DST: variants seen among roughly 807,000 people sequenced by gnomAD.
DST encodes dystonin, also known as bullous pemphigoid antigen.
A neutral mutation model predicts 875.2 loss-of-function variants in DST; 253 were observed. That is an observed-to-expected ratio of 0.29 (90% CI 0.26 to 0.32). DST has a LOEUF of 0.32. Among genes scored for constraint, DST ranks in the 10% least tolerant of loss-of-function variants. DST has a pLI of 1.00. For synonymous variants in DST, 3,124 were observed against 3,197.1 expected, an observed-to-expected ratio of 0.98 and a Z score of 0.77; for missense variants, 8,287 against 9,111.6, an observed-to-expected ratio of 0.91 and a Z score of 3.68.
chr6:56,617,548 C>G (rs2098639985), intron 36 of DST: 2 of 824,396 alleles, frequency 2.4e-6, no homozygotes, highest in African/African-American at 3.4e-5. Context: ...AATTTCAAAC[C>G]AAGGAGGGTT....
chr6:56,930,381 G>A (rs990934369), intron 2 of DST, among the ~76,000 whole-genome samples: 1 of 152,200 alleles, frequency 6.6e-6, no homozygotes, highest in Non-Finnish European at 1.5e-5. Flanking sequence ...AGCCTGTCTT[G>A]TGTGTAAAAT....
intron 4 of DST, among the ~76,000 whole-genome samples, chr6:56,784,525 G>A (rs35986172): frequency 0.17 from 25,772 of 152,126 alleles, 2,418 homozygotes; most frequent in Middle Eastern, 0.21. Flanking sequence ...ATCAGCTCCT[G>A]AGGCTTCTGC....
chr6:56,877,649 A>T (rs992588976), intron 3 of DST, among the ~76,000 whole-genome samples: 36 of 152,316 alleles, frequency 2.4e-4, no homozygotes, highest in African/African-American at 8.4e-4. Context: ...AATTAATGAA[A>T]ATCTATTCTA....
intron 49 of DST, among the ~76,000 whole-genome samples, chr6:56,584,749 T>C (rs2098110954): frequency 6.6e-6 from 1 of 152,110 alleles, no homozygotes; most frequent in Non-Finnish European, 1.5e-5. Flanking sequence ...ATAGCTCTTA[T>C]TATTTTGAGA....
rs762056545 is a variant in DST at position 56,557,561 on chromosome 6, T to A, written c.14441-43A>T. 2.0e-5 allele frequency: 29 copies of A among 1,465,582 alleles called. No homozygotes were observed. The South Asian group carries it at 3.0e-4, about 15-fold the overall frequency. The allele number at this position is 1,465,582 out of a possible 1,614,324, so 90.8% of individuals were successfully genotyped here. A position where few individuals can be genotyped will look rare whatever the true frequency, so the allele number is the denominator to read the frequency against. On this transcript the variant is annotated intron_variant, in intron 58 of 103. Coordinates refer to ENST00000680361, the MANE Select transcript of DST (RefSeq NM_001374736.1). ...AAACTGGTGTTTGACATTTTTTGCA[T>A]TTAACATGACTATGTCTATGAGGAC... is the stretch of plus-strand genomic sequence containing the variant.
chr6:56,787,474 A>G (rs2099707461), intron 4 of DST, among the ~76,000 whole-genome samples: 1 of 152,238 alleles, frequency 6.6e-6, no homozygotes, highest in African/African-American at 2.4e-5. Flanking sequence ...AAAATGATAC[A>G]AAATAGCTTG....
intron 4 of DST, among the ~76,000 whole-genome samples, chr6:56,845,270 A>T (rs2099805903): frequency 6.6e-6 from 1 of 152,008 alleles, no homozygotes; most frequent in Admixed American, 6.5e-5. Context: ...GCCCTCCATG[A>T]TTTTTTATTT....
In DST at chr6:56,608,973, T is replaced by C; in HGVS notation, c.5655A>G (p.Pro1885=). The C allele has an allele frequency of 1.2e-6, 2 of 1,613,856 alleles. No homozygotes were observed. Among genetic ancestry groups the C allele is most frequent in the Non-Finnish European group, 1.7e-6 (2 of 1,179,802 alleles). Residue 1885 remains proline, a synonymous_variant, in exon 40 of 104, where the codon CCA becomes CCG. Coordinates refer to ENST00000680361, the MANE Select transcript of DST (RefSeq NM_001374736.1). ...ILLSTGSLVI[P]ATGEQLTLQK... Reference sequence around the variant, plus strand: ...GTAGGGTCAACTGTTCTCCTGTGGCTGGAATAACCAGAGAGCCTGTAGAAA... The same window carrying C: ...GTAGGGTCAACTGTTCTCCTGTGGCCGGAATAACCAGAGAGCCTGTAGAAA...
intron 8 of DST, among the ~76,000 whole-genome samples, 194 bp downstream of exon 8, chr6:56,701,694 C>T (rs1320393622): frequency 6.6e-6 from 1 of 152,106 alleles, no homozygotes; most frequent in Non-Finnish European, 1.5e-5. Flanking sequence ...TTCCTCTGGG[C>T]TTATCCCTAC....
intron 4 of DST, among the ~76,000 whole-genome samples, chr6:56,794,957 C>T (rs2099737112): frequency 6.6e-6 from 1 of 152,114 alleles, no homozygotes; most frequent in African/African-American, 2.4e-5. Flanking sequence ...GTTGAGAAGT[C>T]CACCACACAG....
chr6:56,723,559 T>G (rs2099430278), intron 5 of DST, among the ~76,000 whole-genome samples: 1 of 151,400 alleles, frequency 6.6e-6, no homozygotes. Flanking sequence ...AGCCAAACTC[T>G]GTTTCAAAAA....
chr6:56,642,533 T>C lies in DST; in HGVS notation c.1779-30A>G, dbSNP rs753819628. ...AAGATGAGACAAAATAAAATAAAGC[T>C]TCTCCCTTTGAAGTCAAAGAGCTCA... On this transcript the variant is annotated intron_variant, in intron 15 of 103. Transcript: ENST00000680361. 1.9e-6 allele frequency: 3 copies of C among 1,608,958 alleles called. No individual in the cohort carries two copies. In the East Asian group the frequency reaches 6.7e-5, roughly 36 times the overall value.
intron 47 of DST, among the ~76,000 whole-genome samples, chr6:56,595,779 A>ACCCCCCC (rs559086079): frequency 1.3e-4 from 19 of 144,518 alleles, no homozygotes; most frequent in African/African-American, 5.5e-4. Context: ...TTCATATGCT[A>ACCCCCCC]CCCCCACCCC....
At chr6:56,783,021 C>T (rs1407216139) in intron 4 of DST, among the ~76,000 whole-genome samples, 5 of 152,138 alleles carry the variant, frequency 3.3e-5, no homozygotes, top group East Asian at 1.9e-4. Flanking sequence ...AGTTTCCATG[C>T]AGTTGAGCGG....
chr6:56,674,595 CCTCA>C (rs1355718648), intron 9 of DST, among the ~76,000 whole-genome samples: 2 of 152,168 alleles, frequency 1.3e-5, no homozygotes, highest in Non-Finnish European at 2.9e-5. Flanking sequence ...CCGCACCTGG[CCTCA>C]CTTTCTTCAT....
In DST at chr6:56,707,802, G is replaced by A. The variant is rs111851046; in HGVS notation, c.688-3433C>T. Reference sequence around the variant, plus strand: ...TGTCATTTGCTACTATCGTATTTATGTGACAACAAAGGAAAATTAAAACAG... The same window carrying A: ...TGTCATTTGCTACTATCGTATTTATATGACAACAAAGGAAAATTAAAACAG... On this transcript the variant is annotated intron_variant, in intron 5 of 103. Transcript: ENST00000680361. 1.5e-3 allele frequency among the ~76,000 whole-genome samples: 225 copies of A among 152,282 alleles called. 5 individuals carry two copies. Among genetic ancestry groups the A allele is most frequent in the African/African-American group, 5.1e-3 (212 of 41,570 alleles).
intron 2 of DST, among the ~76,000 whole-genome samples, chr6:56,918,927 T>C (rs965756582): frequency 6.6e-6 from 1 of 152,292 alleles, no homozygotes; most frequent in Non-Finnish European, 1.5e-5. Context: ...AATCTTTGTA[T>C]ATTTTTATAA....
At position 56,671,042 on chromosome 6, in the gene DST, C is replaced by G. The variant is rs140408175; in HGVS notation, c.1048-235G>C. On this transcript the variant is annotated intron_variant, in intron 9 of 103. Coordinates refer to ENST00000680361, the MANE Select transcript of DST (RefSeq NM_001374736.1). ...ATTCTATATAATTATTTTTATTTAGCCCTCATACCTCTCCCTTATAAATTT... is the reference window on the plus strand; with the variant it reads ...ATTCTATATAATTATTTTTATTTAGGCCTCATACCTCTCCCTTATAAATTT... Among the ~76,000 whole-genome samples, 668 of 152,194 alleles carry G rather than the reference C, an allele frequency of 4.4e-3. 4 individuals are homozygous for G. Among genetic ancestry groups the G allele is most frequent in the Admixed American group, 9.5e-3 (146 of 15,290 alleles).
At chr6:56,797,277 G>A (rs2153015135) in intron 4 of DST, among the ~76,000 whole-genome samples, 1 of 152,150 alleles carries the variant, frequency 6.6e-6, no homozygotes. Context: ...CATACCCCTG[G>A]CCTCTCTCCC....
Sources: gnomAD v4.1 joint callset for allele counts (sites outside exome capture counted in the v4.1 genomes callset) on GRCh38, gnomAD v4.1.1 for gene constraint, MANE v1.5 for transcripts, NCBI Gene and HGNC (gene_info 2026-07-23, HGNC 2026-07-21) for gene names.